CDH13: variants seen among roughly 807,000 people sequenced by gnomAD.
CDH13 encodes the protein cadherin 13.
CDH13 carries 24 observed loss-of-function variants against 63.8 expected under a neutral mutation model. The ratio of observed to expected loss-of-function variants is 0.38; its 90% CI spans 0.27 to 0.53. The LOEUF (loss-of-function observed/expected upper bound fraction) is 0.53, where lower values mean the gene tolerates loss of function less well. Among genes scored for constraint, CDH13 ranks in the 20% least tolerant of loss-of-function variants. CDH13 has a pLI of 0.85. For missense variants in CDH13, 1,049 were observed against 903.1 expected, an observed-to-expected ratio of 1.16 and a Z score of -2.07; for synonymous variants, 503 against 355.3, an observed-to-expected ratio of 1.42 and a Z score of -4.67.
chr16:83,780,293 T>A (rs1915430065), intron 12 of CDH13, 92 bp downstream of exon 12: 1 of 800,414 alleles, frequency 1.2e-6, no homozygotes, highest in South Asian at 1.9e-5. Context: ...TTCTCTCAAG[T>A]ATTCTCATTT....
chr16:83,199,963 C>T (rs1368124548), intron 4 of CDH13, among the ~76,000 whole-genome samples: 3 of 152,132 alleles, frequency 2.0e-5, no homozygotes, highest in Non-Finnish European at 4.4e-5. Flanking sequence ...TTGCTCGGGA[C>T]CTAGAGAAAT....
intron 4 of CDH13, among the ~76,000 whole-genome samples, chr16:83,135,647 C>A (rs946249341): frequency 6.6e-6 from 1 of 152,148 alleles, no homozygotes; most frequent in Non-Finnish European, 1.5e-5. Flanking sequence ...CTAGAACTAC[C>A]ATTTGATCCA....
intron 6 of CDH13, among the ~76,000 whole-genome samples, chr16:83,401,913 G>A (rs918565035): frequency 6.6e-6 from 1 of 152,116 alleles, no homozygotes; most frequent in Non-Finnish European, 1.5e-5. Flanking sequence ...ATTCGTTTCA[G>A]TCTCATATTC....
At chr16:83,263,658 T>G (rs1475860729) in intron 5 of CDH13, among the ~76,000 whole-genome samples, 1 of 152,242 alleles carries the variant, frequency 6.6e-6, no homozygotes, top group African/African-American at 2.4e-5. Flanking sequence ...CCACTGCTTC[T>G]TCTGCTTATG....
intron 6 of CDH13, among the ~76,000 whole-genome samples, chr16:83,482,977 C>T (rs758723227): frequency 1.3e-5 from 2 of 152,192 alleles, no homozygotes; most frequent in Admixed American, 6.5e-5. Context: ...TAATGCAAGG[C>T]TTCCTCTCTG....
chr16:83,349,644 A>G (rs1291693105), intron 6 of CDH13, among the ~76,000 whole-genome samples: 2 of 151,902 alleles, frequency 1.3e-5, no homozygotes, highest in African/African-American at 2.4e-5. Flanking sequence ...CTTGTTGCCC[A>G]GGCTGGAGTG....
chr16:83,793,584 G>A (rs541335713), intron 13 of CDH13, among the ~76,000 whole-genome samples: 44 of 152,228 alleles, frequency 2.9e-4, no homozygotes, highest in Non-Finnish European at 4.6e-4. Context: ...TGCTACTTTC[G>A]TGATTGGCTG....
At chr16:82,726,712 G>C (rs1427025259) in intron 1 of CDH13, among the ~76,000 whole-genome samples, 3 of 152,258 alleles carry the variant, frequency 2.0e-5, no homozygotes, top group Non-Finnish European at 4.4e-5. Context: ...AAATTTGTAA[G>C]AGTTAGCAGA....
intron 1 of CDH13, among the ~76,000 whole-genome samples, chr16:82,797,740 A>G (rs1171109446): frequency 7.3e-5 from 11 of 151,386 alleles, no homozygotes; most frequent in Admixed American, 7.2e-4. Context: ...GAACAATGCT[A>G]AGGTTTACAA....
intron 8 of CDH13, among the ~76,000 whole-genome samples, chr16:83,621,143 C>T (rs1244914885): frequency 6.6e-6 from 1 of 152,172 alleles, no homozygotes; most frequent in East Asian, 1.9e-4. Context: ...AGGCTCCAGA[C>T]CCCAACTCTC....
intron 2 of CDH13, among the ~76,000 whole-genome samples, chr16:83,013,293 T>C (rs1459511568): frequency 6.6e-6 from 1 of 152,206 alleles, no homozygotes; most frequent in Admixed American, 6.5e-5. Flanking sequence ...GGATTTGACA[T>C]GCAGGTTGTA....
chr16:83,291,059 A>C (rs752408799), intron 5 of CDH13, among the ~76,000 whole-genome samples: 5 of 152,174 alleles, frequency 3.3e-5, no homozygotes, highest in Admixed American at 6.5e-5. Context: ...GGTATTTGAC[A>C]GTACAGGTCT....
chr16:83,289,110 C>G (rs990235874), intron 5 of CDH13, among the ~76,000 whole-genome samples: 1 of 152,184 alleles, frequency 6.6e-6, no homozygotes, highest in African/African-American at 2.4e-5. Context: ...CTATTGCTTG[C>G]TCCTGGCCTA....
intron 8 of CDH13, among the ~76,000 whole-genome samples, chr16:83,619,550 G>T (rs1240928164): frequency 2.0e-5 from 3 of 152,224 alleles, no homozygotes; most frequent in African/African-American, 4.8e-5. Flanking sequence ...CTGGGAGAGA[G>T]AATTGGTTTG....
intron 1 of CDH13, among the ~76,000 whole-genome samples, chr16:82,690,810 T>G (rs1250082885): frequency 6.6e-6 from 1 of 152,216 alleles, no homozygotes; most frequent in African/African-American, 2.4e-5. Flanking sequence ...CACCTGGGTG[T>G]TGGCTGACGC....
intron 3 of CDH13, among the ~76,000 whole-genome samples, chr16:83,102,323 A>T (rs2034519530): frequency 1.3e-5 from 2 of 152,210 alleles, no homozygotes; most frequent in Non-Finnish European, 2.9e-5. Flanking sequence ...TTGTTATAGC[A>T]GCCATTGGAA....
chr16:82,803,161 G>C (rs2036954411), intron 1 of CDH13, among the ~76,000 whole-genome samples: 1 of 152,140 alleles, frequency 6.6e-6, no homozygotes, highest in Admixed American at 6.6e-5. Context: ...ACTGACCCTG[G>C]ATAGGTCTAG....
chr16:83,664,344 C>G (rs1268163844), intron 8 of CDH13, among the ~76,000 whole-genome samples: 1 of 152,088 alleles, frequency 6.6e-6, no homozygotes, highest in Non-Finnish European at 1.5e-5. Flanking sequence ...AGTGAACAGA[C>G]CATAGTTCTT....
chr16:83,503,370 G>T (rs1287933792), intron 7 of CDH13, among the ~76,000 whole-genome samples: 1 of 152,196 alleles, frequency 6.6e-6, no homozygotes, highest in Non-Finnish European at 1.5e-5. Flanking sequence ...AAATTAGAGA[G>T]ATTCGGATGG....
Sources: gnomAD v4.1 joint callset for allele counts (sites outside exome capture counted in the v4.1 genomes callset) on GRCh38, gnomAD v4.1.1 for gene constraint, MANE v1.5 for transcripts, NCBI Gene and HGNC (gene_info 2026-07-23, HGNC 2026-07-21) for gene names.